The following RNLS variants were observed in gnomAD, a reference collection of about 807,000 sequenced individuals.
RNLS encodes renalase.
In RNLS, 39 loss-of-function variants were observed where a neutral mutation model predicts 39.8. The ratio of observed to expected loss-of-function variants is 0.98; its 90% CI spans 0.76 to 1.28. RNLS has a LOEUF of 1.28. Among genes scored for constraint, RNLS ranks in the 50% most tolerant of loss-of-function variants. The pLI, the probability that RNLS is intolerant of heterozygous loss-of-function variation, is 0.00. For synonymous variants in RNLS, 147 were observed against 150.7 expected, an observed-to-expected ratio of 0.98 and a Z score of 0.18; for missense variants, 410 against 413.3, an observed-to-expected ratio of 0.99 and a Z score of 0.07.
chr10:88,327,171 GTTA>G (rs1846681180), intron 5 of RNLS, among the ~76,000 whole-genome samples: 1 of 152,134 alleles, frequency 6.6e-6, no homozygotes, highest in Non-Finnish European at 1.5e-5. Context: ...GAATGAGTTA[GTTA>G]GGACTTTGGC....
In RNLS at chr10:88,317,592, C is replaced by A. The variant is rs7918570; in HGVS notation, c.701-2951G>T. On this transcript the variant is annotated intron_variant, in intron 5 of 6. Coordinates refer to ENST00000331772, the MANE Select transcript of RNLS (RefSeq NM_001031709.3). Reference sequence around the variant, plus strand: ...TTTCGTAAAATATACATAAAATTTACTGTTTTAACCTATTTTACATATACA... The same window carrying A: ...TTTCGTAAAATATACATAAAATTTAATGTTTTAACCTATTTTACATATACA... Among the ~76,000 whole-genome samples, 338 of 152,298 alleles carry A rather than the reference C, an allele frequency of 2.2e-3. 1 individual carries two copies. Among genetic ancestry groups the A allele is most frequent in the African/African-American group, 7.8e-3 (323 of 41,564 alleles).
At chr10:88,376,112 T>C (rs1850972016) in intron 4 of RNLS, among the ~76,000 whole-genome samples, 2 of 152,112 alleles carry the variant, frequency 1.3e-5, no homozygotes. Flanking sequence ...TCGAAGTTAA[T>C]CTTCCTTGGT....
At chr10:88,285,630 C>A (rs2132623754) in intron 6 of RNLS, 124 bp from the exon 7 acceptor site, 4 of 810,278 alleles carry the variant, frequency 4.9e-6, no homozygotes, top group Admixed American at 2.8e-5. Context: ...AAGCACCAAA[C>A]AAACAAAAAA....
chr10:88,410,112 T>G (rs1777434284), intron 4 of RNLS, among the ~76,000 whole-genome samples: 1 of 152,136 alleles, frequency 6.6e-6, no homozygotes, highest in Non-Finnish European at 1.5e-5. Context: ...GTTGACAACT[T>G]TTGATCTATA....
intron 4 of RNLS, among the ~76,000 whole-genome samples, chr10:88,557,520 T>C (rs1848936520): frequency 6.6e-6 from 1 of 152,214 alleles, no homozygotes; most frequent in Middle Eastern, 3.4e-3. Flanking sequence ...GGCAATATAA[T>C]ACAAAACTAC....
chr10:88,579,249 C>T (rs1417245814), intron 3 of RNLS, among the ~76,000 whole-genome samples: 1 of 152,134 alleles, frequency 6.6e-6, no homozygotes, highest in Non-Finnish European at 1.5e-5. Flanking sequence ...CTCTGTGCAG[C>T]ATTCTTTCTT....
At chr10:88,502,054 T>C (rs541649667) in intron 4 of RNLS, among the ~76,000 whole-genome samples, 1 of 152,226 alleles carries the variant, frequency 6.6e-6, no homozygotes, top group South Asian at 2.1e-4. Flanking sequence ...TTGTTCTGCC[T>C]TACTTGTAAG....
At chr10:88,387,474 C>T (rs1156501628) in intron 4 of RNLS, among the ~76,000 whole-genome samples, 10 of 114,664 alleles carry the variant, frequency 8.7e-5, no homozygotes, top group African/African-American at 3.2e-4. Context: ...AGAAGAAGCA[C>T]GCAAGAAGAA....
chr10:88,245,094 C>T, the RNLS span, among the ~76,000 whole-genome samples: 1 of 152,256 alleles, frequency 6.6e-6, no homozygotes, highest in Non-Finnish European at 1.5e-5. Flanking sequence ...AAAAGCTTTG[C>T]CCATATGAAA....
chr10:88,426,443 C>CT (rs1296520673), intron 4 of RNLS, among the ~76,000 whole-genome samples: 1 of 151,924 alleles, frequency 6.6e-6, no homozygotes, highest in Non-Finnish European at 1.5e-5. Context: ...CCAATTCCCC[C>CT]TTTTTTTACT....
chr10:88,406,793 T>A (rs138689948), intron 4 of RNLS, among the ~76,000 whole-genome samples: 2,441 of 152,140 alleles, frequency 0.016, 28 homozygotes, highest in South Asian at 0.03. Context: ...TGCAAAATCA[T>A]GAAACCAACC....
chr10:88,519,751 A>G (rs1014892505), intron 4 of RNLS, among the ~76,000 whole-genome samples: 1 of 150,456 alleles, frequency 6.6e-6, no homozygotes, highest in African/African-American at 2.5e-5. Flanking sequence ...TATGATATAT[A>G]TCATATATAG....
intron 5 of RNLS, among the ~76,000 whole-genome samples, chr10:88,321,821 A>G (rs1268194251): frequency 6.6e-6 from 1 of 152,180 alleles, no homozygotes; most frequent in Non-Finnish European, 1.5e-5. Context: ...TACAAACCAA[A>G]AAAGAAAAAC....
intron 4 of RNLS, among the ~76,000 whole-genome samples, chr10:88,525,355 T>A (rs1235645286): frequency 6.6e-6 from 1 of 152,016 alleles, no homozygotes; most frequent in Non-Finnish European, 1.5e-5. Flanking sequence ...ATCTAAGTAA[T>A]GAAATAGTTC....
chr10:88,519,168 A>G (rs1280649040), intron 4 of RNLS, among the ~76,000 whole-genome samples: 1 of 152,016 alleles, frequency 6.6e-6, no homozygotes, highest in Non-Finnish European at 1.5e-5. Context: ...CCTAATGTGC[A>G]TTCAGGCTTG....
At chr10:88,195,937 A>G in the RNLS span, among the ~76,000 whole-genome samples, 3 of 152,076 alleles carry the variant, frequency 2.0e-5, no homozygotes, top group Non-Finnish European at 2.9e-5. Flanking sequence ...GTCCTTTCCA[A>G]TTTATGTTTC....
the RNLS span, among the ~76,000 whole-genome samples, chr10:88,209,752 A>G: frequency 1.3e-5 from 2 of 152,300 alleles, no homozygotes. Context: ...TATCTTTTAG[A>G]TCTGAAACTA....
intron 6 of RNLS, among the ~76,000 whole-genome samples, chr10:88,290,773 T>C (rs1843616895): frequency 6.6e-6 from 1 of 152,206 alleles, no homozygotes; most frequent in South Asian, 2.1e-4. Flanking sequence ...CTATGCAGTC[T>C]GTCCTCTGTG....
chr10:88,286,802 T>TC (rs961098865), intron 6 of RNLS, among the ~76,000 whole-genome samples: 14 of 151,664 alleles, frequency 9.2e-5, no homozygotes, highest in East Asian at 1.9e-4. Flanking sequence ...AGTTTTTTTT[T>TC]TTCTTCTAGA....
Sources: gnomAD v4.1 joint callset for allele counts (sites outside exome capture counted in the v4.1 genomes callset) on GRCh38, gnomAD v4.1.1 for gene constraint, MANE v1.5 for transcripts, NCBI Gene and HGNC (gene_info 2026-07-23, HGNC 2026-07-21) for gene names.